Variants in DLC1 observed in about 807,000 individuals in gnomAD.
DLC1 encodes DLC1 Rho GTPase activating protein.
DLC1 carries 54 observed loss-of-function variants against 140.3 expected under a neutral mutation model. That is an observed-to-expected ratio of 0.38 (90% CI 0.31 to 0.48). DLC1 has a LOEUF of 0.48. DLC1 is among the 20% of genes least tolerant of loss of function. The pLI is 0.96. For missense variants in DLC1, 2,536 were observed against 1,907.0 expected, an observed-to-expected ratio of 1.33 and a Z score of -6.14; for synonymous variants, 986 against 728.1, an observed-to-expected ratio of 1.35 and a Z score of -5.70.
chr8:13,254,011 T>G (rs1830112635), intron 5 of DLC1, among the ~76,000 whole-genome samples: 1 of 152,034 alleles, frequency 6.6e-6, no homozygotes, highest in Non-Finnish European at 1.5e-5. Context: ...AAATCCTTTT[T>G]CCAAAAATCC....
chr8:13,279,246 T>A (rs934939143), intron 5 of DLC1, among the ~76,000 whole-genome samples: 1 of 152,226 alleles, frequency 6.6e-6, no homozygotes, highest in Admixed American at 6.5e-5. Context: ...CAACACACAC[T>A]GTTTAACAGT....
At chr8:13,337,022 G>A (rs181996333) in intron 4 of DLC1, among the ~76,000 whole-genome samples, 1 of 152,166 alleles carries the variant, frequency 6.6e-6, no homozygotes, top group African/African-American at 2.4e-5. Flanking sequence ...CTGGTCAAAG[G>A]CAAAAGGAAA....
chr8:13,339,234 T>A (rs2116975528), intron 4 of DLC1, among the ~76,000 whole-genome samples: 1 of 152,288 alleles, frequency 6.6e-6, no homozygotes, highest in East Asian at 1.9e-4. Context: ...AAAACAACTA[T>A]GCAAGTGATA....
intron 2 of DLC1, among the ~76,000 whole-genome samples, chr8:13,404,621 A>G (rs994218694): frequency 6.6e-6 from 1 of 152,192 alleles, no homozygotes; most frequent in Non-Finnish European, 1.5e-5. Context: ...ACAGGGATTA[A>G]CATTACTAAG....
At position 13,195,524 on chromosome 8, in the gene DLC1, A is replaced by C. The variant is rs567447867; in HGVS notation, c.1349-79867T>G. 2.5e-4 allele frequency among the ~76,000 whole-genome samples: 38 copies of C among 152,314 alleles called. 1 individual carries two copies. Among genetic ancestry groups the C allele is most frequent in the Non-Finnish European group, 4.1e-4 (28 of 68,022 alleles). ...ATAGTTGATGGAAATGAGGATGCTT[A>C]ATTTCTAGGAAAGGAGATTCAGAGA... On this transcript the variant is annotated intron_variant, in intron 5 of 17. Transcript: ENST00000276297.
At chr8:13,274,827 C>T (rs1287772932) in intron 5 of DLC1, among the ~76,000 whole-genome samples, 1 of 152,126 alleles carries the variant, frequency 6.6e-6, no homozygotes, top group Non-Finnish European at 1.5e-5. Context: ...AGAATCTTTT[C>T]ATTTGCGGCA....
intron 5 of DLC1, among the ~76,000 whole-genome samples, chr8:13,180,356 C>T (rs574377833): frequency 6.6e-6 from 1 of 152,282 alleles, no homozygotes; most frequent in South Asian, 2.1e-4. Context: ...TCACACAGCA[C>T]AATGGCTTAT....
chr8:13,520,590 C>T (rs1802734225), intron 1 of DLC1, among the ~76,000 whole-genome samples: 1 of 151,938 alleles, frequency 6.6e-6, no homozygotes, highest in South Asian at 2.1e-4. Context: ...ACTGCATGTT[C>T]TGCAAATGTA....
chr8:13,458,463 A>C (rs1442064372), intron 2 of DLC1, among the ~76,000 whole-genome samples: 1 of 152,224 alleles, frequency 6.6e-6, no homozygotes, highest in Non-Finnish European at 1.5e-5. Context: ...ACAGTCAGCA[A>C]AATGTTCTAA....
intron 1 of DLC1, among the ~76,000 whole-genome samples, chr8:13,590,067 A>G (rs1805465850): frequency 6.8e-6 from 1 of 147,584 alleles, no homozygotes; most frequent in African/African-American, 2.5e-5. Flanking sequence ...ACATGCATAT[A>G]TATATATATA....
chr8:13,298,791 G>C (rs920554842), intron 5 of DLC1, among the ~76,000 whole-genome samples: 5 of 152,142 alleles, frequency 3.3e-5, no homozygotes, highest in African/African-American at 1.2e-4. Context: ...GACGGGGAAA[G>C]CTGGACCCCA....
chr8:13,292,877 A>G (rs902625521), intron 5 of DLC1, among the ~76,000 whole-genome samples: 3 of 152,184 alleles, frequency 2.0e-5, no homozygotes, highest in African/African-American at 7.2e-5. Flanking sequence ...GAAAATATCA[A>G]ATAGTTAGGA....
At chr8:13,361,693 A>G (rs1369295267) in intron 4 of DLC1, among the ~76,000 whole-genome samples, 1 of 152,184 alleles carries the variant, frequency 6.6e-6, no homozygotes, top group Admixed American at 6.6e-5. Context: ...TCTGGACAAG[A>G]TATTTATGAA....
intron 5 of DLC1, among the ~76,000 whole-genome samples, chr8:13,183,140 G>C (rs1247632229): frequency 6.6e-6 from 1 of 152,044 alleles, no homozygotes; most frequent in Non-Finnish European, 1.5e-5. Flanking sequence ...GTATAGGAAT[G>C]CTTGTGATTT....
In DLC1 at chr8:13,277,678, G is replaced by A. The variant is rs544438561; in HGVS notation, c.1348+27591C>T. ...TTGGCAGATTTTTTGCCTTTTAAAT[G>A]CATTATTAATCCTCTTTTTTTTTCT... is the stretch of plus-strand genomic sequence containing the variant. On this transcript the variant is annotated intron_variant, in intron 5 of 17. Coordinates refer to ENST00000276297, the MANE Select transcript of DLC1 (RefSeq NM_182643.3). Among the ~76,000 whole-genome samples the A allele has an allele frequency of 5.8e-4, 88 of 152,152 alleles. 2 individuals are homozygous for A. In the South Asian group the frequency reaches 0.018, roughly 32 times the overall value.
intron 4 of DLC1, among the ~76,000 whole-genome samples, chr8:13,338,232 T>C (rs1454937): frequency 0.84 from 127,886 of 152,220 alleles, 54,910 homozygotes; most frequent in East Asian, 0.98. Flanking sequence ...CAGTCACAGG[T>C]TTGTGGGAAA....
At chr8:13,495,085 A>T (rs929352875) in intron 2 of DLC1, among the ~76,000 whole-genome samples, 3 of 152,174 alleles carry the variant, frequency 2.0e-5, no homozygotes, top group Non-Finnish European at 4.4e-5. Flanking sequence ...TTATCTTTGC[A>T]TCTTTTTTGG....
chr8:13,587,077 T>TACACAC (rs3066501), intron 1 of DLC1, among the ~76,000 whole-genome samples: 16,080 of 142,772 alleles, frequency 0.11, 1,122 homozygotes, highest in African/African-American at 0.22. Flanking sequence ...GAAAATAGTT[T>TACACAC]ACACACACAC....
intron 4 of DLC1, among the ~76,000 whole-genome samples, chr8:13,363,375 T>TG (rs950171739): frequency 5.0e-5 from 5 of 99,830 alleles, no homozygotes; most frequent in East Asian, 2.0e-4. Context: ...TGCAGTGTTT[T>TG]TTTTTTTTTT....
Sources: allele counts gnomAD v4.1 joint callset (sites outside exome capture counted in the v4.1 genomes callset), GRCh38; gene constraint gnomAD v4.1.1; transcripts MANE v1.5; gene names NCBI Gene and HGNC (gene_info 2026-07-23, HGNC 2026-07-21).